DMC1: variants seen among roughly 807,000 people sequenced by gnomAD.
DMC1 encodes the protein meiotic recombination protein DMC1 homolog.
DMC1 carries 27 observed loss-of-function variants against 50.1 expected under a neutral mutation model. The ratio of observed to expected loss-of-function variants is 0.54; its 90% confidence interval spans 0.40 to 0.74. The LOEUF is 0.74. Ranked by LOEUF, DMC1 falls within the 30% of genes least tolerant of loss-of-function variation. The pLI, the probability that DMC1 is intolerant of heterozygous loss-of-function variation, is 0.00. For synonymous variants in DMC1, 148 were observed against 136.1 expected (o/e 1.09, Z -0.61); for missense variants, 295 against 420.2 (o/e 0.70, Z 2.60).
intron 12 of DMC1, among the ~76,000 whole-genome samples, chr22:38,522,792 A>T (rs2090043527): frequency 2.0e-5 from 3 of 152,212 alleles, no homozygotes; most frequent in Non-Finnish European, 2.9e-5. Flanking sequence ...TATAGCAAGG[A>T]TGTAGCTGAT....
rs141719568 is a variant in DMC1 at position 38,535,410 on chromosome 22, C to CCACACA, written c.836+2176_836+2181dup. Among the ~76,000 whole-genome samples, 1,021 of 148,010 alleles carry CCACACA rather than the reference C, an allele frequency of 6.9e-3. 8 individuals are homozygous for CCACACA. Among genetic ancestry groups the CCACACA allele is most frequent in the African/African-American group, 0.02 (813 of 40,380 alleles). On this transcript the variant is annotated intron_variant, in intron 12 of 13. Coordinates refer to ENST00000216024, the MANE Select transcript of DMC1 (RefSeq NM_007068.4). The stretch of plus-strand genomic sequence containing the variant: ...GAGAAACAAAGGTGTATGTACACCT[C>CCACACA]CACACACACACACACACACACACAC...
intron 5 of DMC1, among the ~76,000 whole-genome samples, chr22:38,557,868 C>T (rs942941982): frequency 6.7e-6 from 1 of 150,140 alleles, no homozygotes; most frequent in African/African-American, 2.5e-5. Flanking sequence ...CTACAACTCA[C>T]TATACTTCTA....
downstream of DMC1, among the ~76,000 whole-genome samples, chr22:38,514,467 C>T (rs1854766060): frequency 6.6e-6 from 1 of 151,902 alleles, no homozygotes; most frequent in African/African-American, 2.4e-5. Flanking sequence ...TCGTCTAGAT[C>T]TCCTGACCTC....
intron 12 of DMC1, among the ~76,000 whole-genome samples, chr22:38,529,115 A>G (rs2090128244): frequency 6.6e-6 from 1 of 151,844 alleles, no homozygotes; most frequent in African/African-American, 2.4e-5. Flanking sequence ...GGTTCAAGCG[A>G]TTCTCGTGCC....
the DMC1 span, among the ~76,000 whole-genome samples, chr22:38,512,803 G>A: frequency 1.3e-5 from 2 of 152,142 alleles, no homozygotes; most frequent in African/African-American, 4.8e-5. Flanking sequence ...GACATTAGGG[G>A]CTGAGCGTGG....
At chr22:38,523,607 G>A (rs764631116) in intron 12 of DMC1, among the ~76,000 whole-genome samples, 7 of 151,996 alleles carry the variant, frequency 4.6e-5, no homozygotes, top group Middle Eastern at 3.2e-3. Flanking sequence ...ATTGTGTTTA[G>A]TTCTGCACAA....
the DMC1 span, among the ~76,000 whole-genome samples, chr22:38,511,135 AAAAC>A: frequency 1.3e-5 from 2 of 150,832 alleles, no homozygotes; most frequent in Non-Finnish European, 3.0e-5. Flanking sequence ...CCCCATCTGT[AAAAC>A]AAACAAACAG....
At chr22:38,523,585 AG>A (rs2090053718) in intron 12 of DMC1, among the ~76,000 whole-genome samples, 1 of 152,144 alleles carries the variant, frequency 6.6e-6, no homozygotes, top group African/African-American at 2.4e-5. Flanking sequence ...AAGCTCCTTA[AG>A]GGCAGACTAT....
At chr22:38,538,682 T>C (rs1436444344) in intron 9 of DMC1, 70 bp from the exon 10 acceptor site, 1 of 1,335,016 alleles carries the variant, frequency 7.5e-7, no homozygotes, top group East Asian at 2.3e-5. Context: ...ATTCATATTC[T>C]TGGGAGCCAG....
chr22:38,539,013 G>A (rs1465594176), intron 9 of DMC1, among the ~76,000 whole-genome samples: 2 of 151,176 alleles, frequency 1.3e-5, no homozygotes, highest in South Asian at 2.1e-4. Flanking sequence ...TCCAGCCTGA[G>A]TGACAGAGCG....
At chr22:38,550,311 T>A (rs1397515576) in intron 7 of DMC1, among the ~76,000 whole-genome samples, 1 of 149,692 alleles carries the variant, frequency 6.7e-6, no homozygotes, top group Non-Finnish European at 1.5e-5. Flanking sequence ...CTTTTTCTTT[T>A]CTTTTCTTTT....
intron 5 of DMC1, among the ~76,000 whole-genome samples, chr22:38,557,021 AT>A (rs1204367041): frequency 1.3e-5 from 2 of 152,084 alleles, no homozygotes; most frequent in South Asian, 2.1e-4. Flanking sequence ...CCCAGCAACT[AT>A]TTTTTTCTTC....
chr22:38,513,539 T>G, the DMC1 span, among the ~76,000 whole-genome samples: 1 of 152,160 alleles, frequency 6.6e-6, no homozygotes, highest in South Asian at 2.1e-4. Flanking sequence ...AAGATATCCC[T>G]TGTATCTAAT....
intron 13 of DMC1, among the ~76,000 whole-genome samples, chr22:38,521,135 C>T (rs1301590449): frequency 6.6e-6 from 1 of 151,906 alleles, no homozygotes; most frequent in Non-Finnish European, 1.5e-5. Context: ...GGAAAGGTTC[C>T]CTGAGAAAGT....
intron 8 of DMC1, among the ~76,000 whole-genome samples, chr22:38,547,353 C>A (rs2090353985): frequency 6.6e-6 from 1 of 152,070 alleles, no homozygotes; most frequent in Non-Finnish European, 1.5e-5. Context: ...TGTTTACAGG[C>A]AATGGGATGG....
intron 3 of DMC1, 103 bp downstream of exon 3, chr22:38,567,480 C>A: frequency 1.0e-6 from 1 of 958,114 alleles, no homozygotes; most frequent in Non-Finnish European, 1.7e-6. Flanking sequence ...ATGCACAGGA[C>A]GTCCCCTTGC....
At chr22:38,536,125 A>G (rs1602729760) in intron 12 of DMC1, among the ~76,000 whole-genome samples, 1 of 151,670 alleles carries the variant, frequency 6.6e-6, no homozygotes, top group Non-Finnish European at 1.5e-5. Flanking sequence ...CTGAGGCTGG[A>G]GCATCACCTG....
intron 8 of DMC1, among the ~76,000 whole-genome samples, chr22:38,542,224 T>C (rs1049006789): frequency 1.1e-4 from 16 of 151,144 alleles, no homozygotes; most frequent in African/African-American, 3.9e-4. Flanking sequence ...ACAAGAGAAA[T>C]AAATAAAGGT....
Position 38,562,386 on chromosome 22 carries a change from G to A in DMC1, c.244-17C>T. 1.3e-6 allele frequency: 2 copies of A among 1,554,262 alleles called. No homozygotes were observed. Among genetic ancestry groups the A allele is most frequent in the Non-Finnish European group, 1.8e-6 (2 of 1,127,014 alleles). ...TCCTGGTTCCTACAGAAAGATAAAA[G>A]GAAATGTTCAAAAAGAGTTTAAAGA... On this transcript the variant is annotated splice_polypyrimidine_tract_variant and intron_variant, in intron 4 of 13. Transcript: ENST00000216024.
Sources: allele counts gnomAD v4.1 joint callset (sites outside exome capture counted in the v4.1 genomes callset), GRCh38; gene constraint gnomAD v4.1.1; transcripts MANE v1.5; gene names NCBI Gene and HGNC (gene_info 2026-07-23, HGNC 2026-07-21).